GMDS: variants seen among roughly 807,000 people sequenced by gnomAD.
The protein encoded by GMDS is GDP-mannose 4,6-dehydratase.
GMDS carries 20 observed loss-of-function variants against 49.9 expected under a neutral mutation model. The ratio of observed to expected loss-of-function variants is 0.40; its 90% CI spans 0.28 to 0.58. The LOEUF is 0.58. Among genes scored for constraint, GMDS ranks in the 20% least tolerant of loss-of-function variants. The pLI is 0.42. For missense variants in GMDS, 362 were observed against 481.4 expected, an observed-to-expected ratio of 0.75 and a Z score of 2.32; for synonymous variants, 177 against 178.6, an observed-to-expected ratio of 0.99 and a Z score of 0.07.
chr6:2,054,663 TAAGACTA>T (rs774211130), intron 4 of GMDS, among the ~76,000 whole-genome samples: 11 of 152,004 alleles, frequency 7.2e-5, no homozygotes, highest in Non-Finnish European at 1.6e-4. Flanking sequence ...TAAACCAGAC[TAAGACTA>T]AAACAAACGA....
rs767816520 is a variant in GMDS, at chr6:1,624,518, G to C, written c.1010C>G (p.Thr337Ser). The change falls in exon 10 of 11, where the codon ACC becomes AGC. Residue 337 changes from threonine (T) to serine (S), a missense_variant. Physicochemically the swap from Thr to Ser is moderately conservative, Grantham distance 58. Coordinates refer to ENST00000380815, the MANE Select transcript of GMDS (RefSeq NM_001500.4). ...CCAGTTCAGCTTCTGTTTCGCTTTG[G>C]TGCAGTCGCCCTGCAGAAAGTCCTA... ...TEVDFLQGDC[T>S]KAKQKLNWKP... 8.7e-6 allele frequency: 14 copies of C among 1,613,878 alleles called. No homozygotes were observed. The highest frequency in any genetic ancestry group is 1.2e-5 in the Non-Finnish European group (14 of 1,179,782).
chr6:1,686,595 G>C (rs1429111391), intron 9 of GMDS, among the ~76,000 whole-genome samples: 1 of 152,138 alleles, frequency 6.6e-6, no homozygotes, highest in East Asian at 1.9e-4. Context: ...CTATTTAAAG[G>C]ATCTAAATAG....
intron 9 of GMDS, among the ~76,000 whole-genome samples, chr6:1,667,813 A>T (rs1581433762): frequency 7.1e-6 from 1 of 140,408 alleles, no homozygotes; most frequent in Non-Finnish European, 1.6e-5. Flanking sequence ...AATTTTTTTT[A>T]AATGAAAAAA....
chr6:2,085,929 T>C (rs900034672), intron 4 of GMDS, among the ~76,000 whole-genome samples: 1 of 152,218 alleles, frequency 6.6e-6, no homozygotes, highest in Non-Finnish European at 1.5e-5. Context: ...GGCCTTAAGA[T>C]ATAAAAATTC....
At chr6:1,971,521 T>A (rs959045599) in intron 4 of GMDS, among the ~76,000 whole-genome samples, 11 of 152,176 alleles carry the variant, frequency 7.2e-5, no homozygotes, top group African/African-American at 2.7e-4. Flanking sequence ...GCTCAAGGCA[T>A]ATTAAGGTAT....
At chr6:1,747,160 C>A (rs1767530909) in intron 7 of GMDS, among the ~76,000 whole-genome samples, 1 of 152,044 alleles carries the variant, frequency 6.6e-6, no homozygotes, top group Non-Finnish European at 1.5e-5. Flanking sequence ...CAGAGCTGGA[C>A]CAATGAAGGA....
chr6:1,655,476 TAC>T (rs751129753), intron 9 of GMDS, among the ~76,000 whole-genome samples: 9 of 81,146 alleles, frequency 1.1e-4, no homozygotes, highest in African/African-American at 2.1e-4. Context: ...TTGAAAGCCT[TAC>T]ACACACACAC....
Position 1,684,229 on chromosome 6 carries a change from T to C in GMDS, c.987+42187A>G, listed in dbSNP as rs567293917. ...GAAGTCGTATGGAAACACCAGGATG[T>C]GGGGCGGCTGGAAGTCTCCCGTGTT... On this transcript the variant is annotated intron_variant, in intron 9 of 10. Coordinates refer to ENST00000380815, the MANE Select transcript of GMDS (RefSeq NM_001500.4). Among the ~76,000 whole-genome samples the C allele has an allele frequency of 2.6e-5, 4 of 152,244 alleles. No homozygotes were observed. In the South Asian group the frequency reaches 8.3e-4, roughly 32 times the overall value.
chr6:1,711,375 T>TA (rs1242644881), intron 9 of GMDS, among the ~76,000 whole-genome samples: 1 of 152,252 alleles, frequency 6.6e-6, no homozygotes, highest in South Asian at 2.1e-4. Flanking sequence ...TCTGACGTAC[T>TA]AGGCTTAAGA....
At chr6:1,770,905 G>A (rs1447513909) in intron 7 of GMDS, among the ~76,000 whole-genome samples, 1 of 152,242 alleles carries the variant, frequency 6.6e-6, no homozygotes, top group African/African-American at 2.4e-5. Context: ...ATTTGCCATT[G>A]CAGCATGGAG....
At chr6:1,926,004 T>C (rs1761985621) in intron 7 of GMDS, among the ~76,000 whole-genome samples, 1 of 152,132 alleles carries the variant, frequency 6.6e-6, no homozygotes, top group Non-Finnish European at 1.5e-5. Flanking sequence ...GGTGGAACTA[T>C]GCCGAGTTTG....
chr6:1,875,351 C>CAT (rs70992107), intron 7 of GMDS, among the ~76,000 whole-genome samples: 4 of 140,362 alleles, frequency 2.8e-5, no homozygotes, highest in African/African-American at 1.1e-4. Flanking sequence ...CACACACACA[C>CAT]GGACTGGAAA....
At chr6:1,684,128 T>G (rs1764890578) in intron 9 of GMDS, among the ~76,000 whole-genome samples, 1 of 152,166 alleles carries the variant, frequency 6.6e-6, no homozygotes, top group African/African-American at 2.4e-5. Flanking sequence ...CTCACTCTCT[T>G]CAGGCCTCAG....
At chr6:2,185,266 A>G (rs1040532970) in intron 1 of GMDS, among the ~76,000 whole-genome samples, 1 of 152,226 alleles carries the variant, frequency 6.6e-6, no homozygotes, top group African/African-American at 2.4e-5. Flanking sequence ...ATCAACAACA[A>G]CATCCTCCTA....
chr6:1,778,740 C>T lies in GMDS; in HGVS notation c.772-36154G>A, dbSNP rs891030811. On this transcript the variant is annotated intron_variant, in intron 7 of 10. Coordinates refer to ENST00000380815, the MANE Select transcript of GMDS (RefSeq NM_001500.4). The surrounding 1 kb of genome is among the most constrained non-coding windows in gnomAD (Gnocchi z 4.6). ...TGCCAGCCAGGAAAAAGCCTGCTGA[C>T]GTTTGCAGCTCAGACCTCAAAGCTC... 2.6e-5 allele frequency among the ~76,000 whole-genome samples: 4 copies of T among 152,168 alleles called. No individual in the cohort carries two copies. Among genetic ancestry groups the T allele is most frequent in the Admixed American group, 1.3e-4 (2 of 15,282 alleles).
intron 4 of GMDS, among the ~76,000 whole-genome samples, chr6:2,003,391 T>C (rs983688102): frequency 6.6e-6 from 1 of 152,114 alleles, no homozygotes; most frequent in Non-Finnish European, 1.5e-5. Context: ...TACTTAAAAT[T>C]CCAACAAATC....
At chr6:1,884,898 C>T (rs981847178) in intron 7 of GMDS, among the ~76,000 whole-genome samples, 4 of 152,184 alleles carry the variant, frequency 2.6e-5, no homozygotes, top group African/African-American at 9.7e-5. Context: ...CAAGATTTAT[C>T]TATTTCAGTC....
chr6:1,906,339 T>A (rs1760774332), intron 7 of GMDS, among the ~76,000 whole-genome samples: 1 of 152,204 alleles, frequency 6.6e-6, no homozygotes, highest in Admixed American at 6.5e-5. Flanking sequence ...AAATGTGCAG[T>A]GAGCCTTTGC....
intron 9 of GMDS, among the ~76,000 whole-genome samples, chr6:1,652,885 CAT>C (rs748895864): frequency 3.0e-4 from 43 of 143,084 alleles, no homozygotes; most frequent in East Asian, 2.1e-4. Context: ...CTGCCACACT[CAT>C]GTGTGCTTGC....
Sources: allele counts gnomAD v4.1 joint callset (sites outside exome capture counted in the v4.1 genomes callset), GRCh38; gene constraint gnomAD v4.1.1; non-coding constraint Gnocchi (gnomAD v3.1); transcripts MANE v1.5; gene names NCBI Gene and HGNC (gene_info 2026-07-23, HGNC 2026-07-21).